Variants in WFDC1 observed in about 807,000 individuals in gnomAD.
The protein encoded by WFDC1 is WAP four-disulfide core domain 1, also known as WAP four-disulfide core domain protein 1.
A neutral mutation model predicts 32.9 loss-of-function variants in WFDC1; 39 were observed. The observed-to-expected ratio is 1.19, with a 90% CI of 0.92 to 1.55. The LOEUF (loss-of-function observed/expected upper bound fraction) is 1.55. Ranked by LOEUF, WFDC1 falls within the 40% of genes most tolerant of loss-of-function variation. WFDC1 has a pLI of 0.00. For missense variants in WFDC1, 386 were observed against 309.5 expected (o/e 1.25, Z -1.85); for synonymous variants, 184 against 137.4 (o/e 1.34, Z -2.37).
At chr16:84,303,934 G>A (rs1289419151) in intron 1 of WFDC1, among the ~76,000 whole-genome samples, 1 of 152,162 alleles carries the variant, frequency 6.6e-6, no homozygotes, top group Non-Finnish European at 1.5e-5. Context: ...TGTGCTATTT[G>A]GTGTCTGGCT....
intron 2 of WFDC1, among the ~76,000 whole-genome samples, chr16:84,315,540 A>G (rs150426894): frequency 6.6e-6 from 1 of 152,338 alleles, no homozygotes; most frequent in Non-Finnish European, 1.5e-5. Context: ...AGTAATAACA[A>G]CAATGCTGTC....
chr16:84,318,460 G>C, intron 3 of WFDC1, 105 bp downstream of exon 3: 1 of 1,077,612 alleles, frequency 9.3e-7, no homozygotes, highest in Non-Finnish European at 1.4e-6. Flanking sequence ...CCCATGCACG[G>C]GCCCTTCAGC....
At chr16:84,310,085 A>C (rs555567774) in intron 1 of WFDC1, among the ~76,000 whole-genome samples, 1 of 152,030 alleles carries the variant, frequency 6.6e-6, no homozygotes, top group Non-Finnish European at 1.5e-5. Context: ...TATGTGCAGG[A>C]GGAGACACAG....
intron 4 of WFDC1, among the ~76,000 whole-genome samples, chr16:84,324,107 G>A (rs1908453217): frequency 7.3e-6 from 1 of 137,870 alleles, no homozygotes; most frequent in African/African-American, 2.6e-5. Context: ...GCAACAGAGT[G>A]AGACTTCGTC....
chr16:84,313,650 A>C (rs8050279), intron 2 of WFDC1, among the ~76,000 whole-genome samples: 45,813 of 151,996 alleles, frequency 0.3, 8,056 homozygotes, highest in Non-Finnish European at 0.39. Flanking sequence ...CACCCCATCA[A>C]CCCACCAGGC....
At chr16:84,295,445 C>T (rs527828947) in intron 1 of WFDC1, 71 of 485,300 alleles carry the variant, frequency 1.5e-4, no homozygotes, top group African/African-American at 1.1e-3. Context: ...CGGAGCATTC[C>T]GTCTCCCTGA....
intron 1 of WFDC1, among the ~76,000 whole-genome samples, chr16:84,296,644 G>T (rs972799084): frequency 6.6e-6 from 1 of 152,166 alleles, no homozygotes; most frequent in Non-Finnish European, 1.5e-5. Flanking sequence ...GCACATGCTC[G>T]TGGCGGGAGA....
At chr16:84,303,874 T>A (rs1158758302) in intron 1 of WFDC1, among the ~76,000 whole-genome samples, 3 of 152,204 alleles carry the variant, frequency 2.0e-5, no homozygotes, top group Non-Finnish European at 4.4e-5. Context: ...CTTTCTGTCT[T>A]TATGGATCTG....
At chr16:84,307,525 G>C (rs1031607927) in intron 1 of WFDC1, among the ~76,000 whole-genome samples, 1 of 152,102 alleles carries the variant, frequency 6.6e-6, no homozygotes, top group African/African-American at 2.4e-5. Context: ...CTCTGAGACG[G>C]CGGCACAGCT....
In WFDC1 at chr16:84,311,078, G is replaced by A. The variant is rs187911311; in HGVS notation, c.145-1883G>A. 1.3e-3 allele frequency among the ~76,000 whole-genome samples: 205 copies of A among 152,208 alleles called. 1 individual carries two copies. The East Asian group carries it at 0.029, about 22-fold the overall frequency. ...CAAATGAGCACAAACTGCTCACCAC[G>A]CACCCCATTTTCATAGAAGCAGAAG... On this transcript the variant is annotated intron_variant, in intron 1 of 6. Transcript: ENST00000219454.
chr16:84,314,270 C>A (rs956350922), intron 2 of WFDC1, among the ~76,000 whole-genome samples: 1 of 152,024 alleles, frequency 6.6e-6, no homozygotes, highest in African/African-American at 2.4e-5. Flanking sequence ...GAGGTGACCC[C>A]GTCGGGGACA....
Position 84,298,584 on chromosome 16 carries a change from T to G in WFDC1, c.144+3469T>G, listed in dbSNP as rs151318950. On this transcript the variant is annotated intron_variant, in intron 1 of 6. Transcript: ENST00000219454. ...TGCCTGAAATCAACCATGCTGGGAG[T>G]ATTTACACCTTGGAAATTGGCCAGG... Among the ~76,000 whole-genome samples, 10 of 152,072 alleles carry G rather than the reference T, an allele frequency of 6.6e-5. No homozygotes were observed. In the East Asian group the frequency reaches 1.9e-3, roughly 29 times the overall value.
At chr16:84,324,316 T>C in intron 4 of WFDC1, 103 bp from the exon 5 acceptor site, 1 of 1,018,036 alleles carries the variant, frequency 9.8e-7, no homozygotes, top group South Asian at 1.4e-5. Flanking sequence ...ACTAGTGAGA[T>C]GGGGAGACTG....
chr16:84,302,644 T>C (rs890731751), intron 1 of WFDC1, among the ~76,000 whole-genome samples: 5 of 152,216 alleles, frequency 3.3e-5, no homozygotes, highest in African/African-American at 1.2e-4. Flanking sequence ...AGCATTTAGC[T>C]CTGTTGTTGT....
intron 1 of WFDC1, among the ~76,000 whole-genome samples, chr16:84,309,036 G>C (rs1907450636): frequency 6.6e-6 from 1 of 152,214 alleles, no homozygotes. Context: ...GAGTGGCAGA[G>C]AGGATTTAAG....
chr16:84,295,151 TGTGG>T (rs758002069), intron 1 of WFDC1, 36 bp downstream of exon 1: 3 of 1,607,142 alleles, frequency 1.9e-6, no homozygotes, highest in Non-Finnish European at 2.6e-6. Context: ...GGGCAGCCTG[TGTGG>T]GTGGGAGTCA....
chr16:84,307,688 C>T (rs1002881599), intron 1 of WFDC1, among the ~76,000 whole-genome samples: 5 of 152,092 alleles, frequency 3.3e-5, no homozygotes, highest in Admixed American at 1.3e-4. Context: ...ATAAGCTGGG[C>T]GGAAAAATAA....
At chr16:84,307,794 CCCCAACATGGGT>C (rs1907352980) in intron 1 of WFDC1, among the ~76,000 whole-genome samples, 2 of 152,276 alleles carry the variant, frequency 1.3e-5, no homozygotes, top group South Asian at 4.1e-4. Context: ...AAATTGCGGA[CCCCAACATGGGT>C]CCAATGTAGT....
Position 84,313,136 on chromosome 16 carries a change from C to G in WFDC1, c.320C>G (p.Ala107Gly), listed in dbSNP as rs937907680. 8 of 1,436,392 alleles carry G rather than the reference C, an allele frequency of 5.6e-6. No individual in the cohort carries two copies. The highest frequency in any genetic ancestry group is 7.3e-6 in the Non-Finnish European group (8 of 1,103,382). The allele number at this position is 1,436,392 out of a possible 1,614,324, so 89.0% of individuals were successfully genotyped here. Residue 107 changes from alanine to glycine, a missense_variant, in exon 2 of 7, where the codon GCT becomes GGT. Transcript: ENST00000219454. ...GGATGCGCCTACGCCTGCCTAGAAG[C>G]TGTGCCGCCCCCGCCAGGTAGGTCC... is the stretch of plus-strand genomic sequence containing the variant. ...YNGCAYACLE[A>G]VPPPPVLDWL...
Sources: gnomAD v4.1 joint callset for allele counts (sites outside exome capture counted in the v4.1 genomes callset) on GRCh38, gnomAD v4.1.1 for gene constraint, MANE v1.5 for transcripts, NCBI Gene and HGNC (gene_info 2026-07-23, HGNC 2026-07-21) for gene names.